Variants in NDST3 observed in about 807,000 individuals in gnomAD.
NDST3 encodes bifunctional heparan sulfate N-deacetylase/N-sulfotransferase 3.
In NDST3, 58 loss-of-function variants were observed where a neutral mutation model predicts 96.1. The observed-to-expected ratio is 0.60, with a 90% confidence interval of 0.49 to 0.75. The LOEUF (loss-of-function observed/expected upper bound fraction) is 0.75. Among genes scored for constraint, NDST3 ranks in the 30% least tolerant of loss-of-function variants. The pLI is 0.00. For missense variants in NDST3, 788 were observed against 1,034.2 expected (o/e 0.76, Z 3.27); for synonymous variants, 333 against 359.7 (o/e 0.93, Z 0.84).
At chr4:118,173,309 G>A (rs907786346) in intron 6 of NDST3, among the ~76,000 whole-genome samples, 1 of 152,042 alleles carries the variant, frequency 6.6e-6, no homozygotes, top group Non-Finnish European at 1.5e-5. Context: ...TAAGAAACAA[G>A]CCCACATTCT....
rs769985733 is a variant in NDST3 at position 118,053,887 on chromosome 4, A to G, written c.-24A>G. 1.3e-6 allele frequency: 2 copies of G among 1,556,552 alleles called. No homozygotes were observed. The highest frequency in any genetic ancestry group is 1.2e-5 in the South Asian group (1 of 81,310). ...AACTTTTTATGGTGCTTCTGTTGGC[A>G]TAGTTGGGGAAAGCACCTACAACAT... On this transcript the variant is annotated 5_prime_UTR_variant, in exon 2 of 14. Transcript: ENST00000296499.
intron 2 of NDST3, among the ~76,000 whole-genome samples, chr4:118,080,267 C>T (rs1350798271): frequency 2.0e-5 from 3 of 151,742 alleles, no homozygotes; most frequent in African/African-American, 7.3e-5. Context: ...TTTAGATGTC[C>T]AAGTAGAGAT....
intron 6 of NDST3, among the ~76,000 whole-genome samples, chr4:118,207,391 T>C (rs1283400607): frequency 6.9e-6 from 1 of 144,934 alleles, no homozygotes; most frequent in African/African-American, 2.5e-5. Flanking sequence ...TGCCATGTTA[T>C]GGCATGAAGC....
chr4:118,156,077 T>G (rs1258803206), intron 6 of NDST3, among the ~76,000 whole-genome samples: 1 of 152,158 alleles, frequency 6.6e-6, no homozygotes, highest in Admixed American at 6.6e-5. Flanking sequence ...GACAGAAAAT[T>G]TCTTCACTTG....
At position 118,206,054 on chromosome 4, in the gene NDST3, G is replaced by A. The variant is rs1031953839; in HGVS notation, c.1540-18437G>A. Among the ~76,000 whole-genome samples, 11 of 142,282 alleles carry A rather than the reference G, an allele frequency of 7.7e-5. 1 individual carries two copies. The highest frequency in any genetic ancestry group is 2.8e-4 in the Admixed American group (4 of 14,354). 93.3% of individuals were successfully genotyped at this position (142,282 alleles called of 152,430 possible). ...TCACCGTGTTAGCCAGGATGGTCTC[G>A]ATCTCCTGACCTCGTGATCCGCCCA... On this transcript the variant is annotated intron_variant, in intron 6 of 13. Coordinates refer to ENST00000296499, the MANE Select transcript of NDST3 (RefSeq NM_004784.3).
At chr4:118,187,028 T>C (rs139227064) in intron 6 of NDST3, among the ~76,000 whole-genome samples, 166 of 152,280 alleles carry the variant, frequency 1.1e-3, no homozygotes, top group Non-Finnish European at 2.0e-3. Context: ...GGAGTATGCT[T>C]TTTAGCCAGA....
intron 6 of NDST3, among the ~76,000 whole-genome samples, chr4:118,181,267 T>A (rs1209096565): frequency 1.3e-5 from 2 of 151,614 alleles, no homozygotes; most frequent in African/African-American, 2.4e-5. Context: ...GACCACCAAA[T>A]GAAGGAGGTA....
intron 6 of NDST3, among the ~76,000 whole-genome samples, chr4:118,173,056 C>T (rs1310562984): frequency 2.0e-5 from 3 of 151,926 alleles, no homozygotes; most frequent in Admixed American, 1.3e-4. Flanking sequence ...AAGGAATCTA[C>T]TTTGTGCCAG....
intron 6 of NDST3, among the ~76,000 whole-genome samples, chr4:118,214,002 C>T (rs1739024491): frequency 6.6e-6 from 1 of 152,080 alleles, no homozygotes; most frequent in South Asian, 2.1e-4. Flanking sequence ...TCTTGATGAG[C>T]TCACAGTTTA....
rs772812617 is a variant in NDST3 at position 118,224,596 on chromosome 4, C to T, written c.1645C>T (p.Leu549Phe). 3.1e-6 allele frequency: 5 copies of T among 1,612,802 alleles called. No homozygotes were observed. The highest frequency in any genetic ancestry group is 4.2e-6 in the Non-Finnish European group (5 of 1,179,322). The part of the protein sequence containing the change: ...NFVKSWTNLR[L>F]QTLPPVQLAH... ...TGTGAAGAGCTGGACCAACCTGCGA[C>T]TTCAGACTCTGCCTCCAGTACAACT... The change falls in exon 7 of 14, where the codon CTT (leucine) becomes TTT (phenylalanine). Residue 549 changes from leucine (L) to phenylalanine (F), a missense_variant. Around this residue, in one of 3 missense-constraint regions of NDST3, gnomAD observed 490 missense variants for 708.8 expected, o/e 0.69. Coordinates refer to ENST00000296499, the MANE Select transcript of NDST3 (RefSeq NM_004784.3).
At chr4:118,234,126 C>T (rs1740484147) in intron 9 of NDST3, among the ~76,000 whole-genome samples, 1 of 152,142 alleles carries the variant, frequency 6.6e-6, no homozygotes, top group Non-Finnish European at 1.5e-5. Flanking sequence ...AAACCATCGA[C>T]AGTGGCCAGG....
intron 6 of NDST3, among the ~76,000 whole-genome samples, chr4:118,192,630 T>C (rs1003868449): frequency 3.3e-5 from 5 of 152,214 alleles, no homozygotes; most frequent in African/African-American, 9.6e-5. Context: ...CTATTCTGTT[T>C]CATTGATGTA....
intron 4 of NDST3, among the ~76,000 whole-genome samples, chr4:118,121,798 G>C (rs947593442): frequency 6.6e-6 from 1 of 152,094 alleles, no homozygotes; most frequent in Non-Finnish European, 1.5e-5. Flanking sequence ...TTCTTTAGAA[G>C]TTCTGTATTT....
intron 6 of NDST3, among the ~76,000 whole-genome samples, chr4:118,223,574 T>G (rs1271275592): frequency 6.6e-6 from 1 of 152,074 alleles, no homozygotes; most frequent in African/African-American, 2.4e-5. Flanking sequence ...TACTTCCTCT[T>G]ATTCATAGTT....
intron 6 of NDST3, among the ~76,000 whole-genome samples, chr4:118,145,712 A>G (rs1733891392): frequency 6.6e-6 from 1 of 152,208 alleles, no homozygotes; most frequent in South Asian, 2.1e-4. Context: ...GGAGATTCAT[A>G]AGAATAAAGG....
At chr4:118,036,678 A>G (rs1331333298) in intron 1 of NDST3, among the ~76,000 whole-genome samples, 1 of 152,202 alleles carries the variant, frequency 6.6e-6, no homozygotes, top group Non-Finnish European at 1.5e-5. Context: ...CTGTTTGTTT[A>G]TAGTAAAAAA....
intron 4 of NDST3, among the ~76,000 whole-genome samples, chr4:118,134,940 T>C (rs1436648412): frequency 6.6e-6 from 1 of 152,140 alleles, no homozygotes; most frequent in Non-Finnish European, 1.5e-5. Flanking sequence ...TGCCACAGAT[T>C]AAAAAATAAT....
intron 1 of NDST3, among the ~76,000 whole-genome samples, chr4:118,042,381 T>A (rs564011919): frequency 6.6e-6 from 1 of 152,292 alleles, no homozygotes; most frequent in South Asian, 2.1e-4. Context: ...ACACATGGAT[T>A]ACAGCAGCAG....
At chr4:118,075,807 T>A (rs1161827568) in intron 2 of NDST3, among the ~76,000 whole-genome samples, 1 of 152,228 alleles carries the variant, frequency 6.6e-6, no homozygotes, top group Non-Finnish European at 1.5e-5. Flanking sequence ...TAGCCCTTTG[T>A]CAGATGGGTA....
Sources: allele counts gnomAD v4.1 joint callset (sites outside exome capture counted in the v4.1 genomes callset), GRCh38; gene constraint gnomAD v4.1.1; regional missense constraint gnomAD v4.1.1; transcripts MANE v1.5; gene names NCBI Gene and HGNC (gene_info 2026-07-23, HGNC 2026-07-21).